OTOF: variants seen among roughly 807,000 people sequenced by gnomAD.
The protein encoded by OTOF is otoferlin.
OTOF carries 218 observed loss-of-function variants against 236.8 expected under a neutral mutation model. That is an observed-to-expected ratio of 0.92 (90% CI 0.82 to 1.03). The LOEUF is 1.03. Among genes scored for constraint, OTOF ranks in the 50% least tolerant of loss-of-function variants. The probability of loss-of-function intolerance (pLI) is 0.00; values close to 1 mark genes in which losing one functional copy is unlikely to be tolerated. For synonymous variants in OTOF, 1,041 were observed against 1,072.5 expected, an observed-to-expected ratio of 0.97 and a Z score of 0.57; for missense variants, 2,590 against 2,694.4, an observed-to-expected ratio of 0.96 and a Z score of 0.86.
At chr2:26,475,868 C>T (rs1182256972) in intron 24 of OTOF, 46 bp downstream of exon 24, 1 of 1,564,294 alleles carries the variant, frequency 6.4e-7, no homozygotes, top group South Asian at 1.2e-5. Flanking sequence ...TCACAGGCTT[C>T]TGGTGCTCTC....
chr2:26,532,214 C>T (rs1424732606), intron 2 of OTOF, among the ~76,000 whole-genome samples: 1 of 151,642 alleles, frequency 6.6e-6, no homozygotes, highest in Non-Finnish European at 1.5e-5. Flanking sequence ...AGCAACATGG[C>T]AAAGATGTGC....
Position 26,482,007 on chromosome 2 carries a change from G to A in OTOF, c.1579+399C>T, listed in dbSNP as rs543962308. The stretch of plus-strand genomic sequence containing the variant: ...ATCCTAGGAGGTAGTCAATCCCTGC[G>A]ATTCTGCAGATAGGCACTACTATTA... On this transcript the variant is annotated intron_variant, in intron 14 of 46. Coordinates refer to ENST00000272371, the MANE Select transcript of OTOF (RefSeq NM_194248.3). Among the ~76,000 whole-genome samples, 7 of 152,152 alleles carry A rather than the reference G, an allele frequency of 4.6e-5. No individual in the cohort carries two copies. The East Asian group carries it at 9.6e-4, about 21-fold the overall frequency.
At chr2:26,513,364 A>G (rs1397310326) in intron 5 of OTOF, among the ~76,000 whole-genome samples, 1 of 152,146 alleles carries the variant, frequency 6.6e-6, no homozygotes, top group Non-Finnish European at 1.5e-5. Context: ...GGGTGGACCC[A>G]GGCCCTGGAG....
At chr2:26,522,430 T>C (rs13004148) in intron 3 of OTOF, among the ~76,000 whole-genome samples, 7,069 of 152,220 alleles carry the variant, frequency 0.046, 214 homozygotes, top group Non-Finnish European at 0.069. Context: ...TAGATATTCT[T>C]TGGGAAGAAG....
At chr2:26,513,587 G>A (rs1052899100) in intron 5 of OTOF, among the ~76,000 whole-genome samples, 2 of 152,206 alleles carry the variant, frequency 1.3e-5, no homozygotes, top group African/African-American at 2.4e-5. Context: ...CAAGATGGCC[G>A]GTGAGACACT....
chr2:26,458,666 G>A (rs1198653608), intron 46 of OTOF, among the ~76,000 whole-genome samples: 7 of 152,144 alleles, frequency 4.6e-5, no homozygotes, highest in Admixed American at 2.0e-4. Flanking sequence ...TGCCCTCACC[G>A]ACCTGCCCAC....
At chr2:26,480,162 C>G in intron 16 of OTOF, 41 bp downstream of exon 16, 1 of 1,180,778 alleles carries the variant, frequency 8.5e-7, no homozygotes, top group Non-Finnish European at 1.3e-6. Flanking sequence ...GTGGGCCCAG[C>G]ACTCACCTAG....
intron 38 of OTOF, 95 bp downstream of exon 38, chr2:26,465,577 G>T (rs546021254): frequency 2.2e-6 from 3 of 1,378,128 alleles, no homozygotes; most frequent in African/African-American, 1.4e-5. Context: ...AAACCACAAT[G>T]TCTAACCTCT....
At position 26,470,751 on chromosome 2, in the gene OTOF, A is replaced by G. The variant is rs1226777309; in HGVS notation, c.3895-30T>C. On this transcript the variant is annotated intron_variant, in intron 31 of 46. Transcript: ENST00000272371. The surrounding 1 kb of genome is among the most constrained non-coding windows in gnomAD (Gnocchi z 4.3). ...AGGTTGGCCAGGTCCAGAGTCCTAC[A>G]TGGACTCCTCCTGCCTGGACAATCC... 2 of 1,608,900 alleles carry G rather than the reference A, an allele frequency of 1.2e-6. No individual in the cohort carries two copies. Among genetic ancestry groups the G allele is most frequent in the Admixed American group, 3.3e-5 (2 of 59,722 alleles).
rs201493014 is a variant in OTOF at position 26,467,122 on chromosome 2, C to T, written c.4339G>A (p.Glu1447Lys). The T allele has an allele frequency of 2.5e-6, 4 of 1,613,878 alleles. No homozygotes were observed. In the Admixed American group the frequency reaches 5.0e-5, roughly 20 times the overall value. ...ACCTTGAAGCGTCCCACAATGCGCT[C>T]CTCCTCGGTGGAGCCATCCTCATCA... ...GDDEDGSTEE[E>K]RIVGRFKGSL... The change falls in exon 35 of 47, where the codon GAG becomes AAG. Residue 1447 changes from glutamate (E) to lysine (K), a missense_variant. Coordinates refer to ENST00000272371, the MANE Select transcript of OTOF (RefSeq NM_194248.3).
chr2:26,459,897 T>A, intron 46 of OTOF, 111 bp downstream of exon 46: 4 of 1,036,350 alleles, frequency 3.9e-6, no homozygotes, highest in Non-Finnish European at 5.7e-6. Flanking sequence ...TGTGTGTGTT[T>A]GTGTGCACAT....
rs781060810 is a variant in OTOF at position 26,479,695 on chromosome 2, A to G, written c.1913-42T>C. 3 of 1,587,950 alleles carry G rather than the reference A, an allele frequency of 1.9e-6. No homozygotes were observed. The South Asian group carries it at 3.3e-5, about 18-fold the overall frequency. Reference sequence around the variant, plus strand: ...CCAGAAGGCCTAGAGTGCATTCCCCACCAGGCCCCTCCCACCGTCCAATCC... The same window carrying G: ...CCAGAAGGCCTAGAGTGCATTCCCCGCCAGGCCCCTCCCACCGTCCAATCC... On this transcript the variant is annotated intron_variant, in intron 16 of 46. Transcript: ENST00000272371.
chr2:26,477,543 C>G lies in OTOF; in HGVS notation c.2316-37G>C. The G allele has an allele frequency of 1.3e-6, 2 of 1,594,882 alleles. No individual in the cohort carries two copies. The highest frequency in any genetic ancestry group is 1.1e-5 in the South Asian group (1 of 89,392). ...GCGAGCCGGGGTTTAGCGAGCCTGA[C>G]CAGCAGGGGCTCTGTAGATTCTTCC... On this transcript the variant is annotated intron_variant, in intron 19 of 46. Transcript: ENST00000272371. The surrounding 1 kb of genome is among the most constrained non-coding windows in gnomAD (Gnocchi z 4.7).
chr2:26,539,593 G>C (rs1368941351), intron 1 of OTOF, among the ~76,000 whole-genome samples: 1 of 152,082 alleles, frequency 6.6e-6, no homozygotes, highest in Admixed American at 6.5e-5. Context: ...AAAATAGCTG[G>C]GTGTGGTGGC....
intron 26 of OTOF, 47 bp from the exon 27 acceptor site, chr2:26,474,157 G>C (rs1665136138): frequency 1.2e-6 from 2 of 1,611,092 alleles, no homozygotes; most frequent in African/African-American, 2.7e-5. Context: ...CCCAGGGACA[G>C]GGTCTCTTTC....
rs1053559884 is a variant in OTOF at position 26,540,885 on chromosome 2, C to A, written c.80-3111G>T. ...TAGCACCAGCCAGAGACATAAAAAA[C>A]AAAAAAATCAACAAGAAATATCTCA... On this transcript the variant is annotated intron_variant, in intron 1 of 46. Transcript: ENST00000272371. Among the ~76,000 whole-genome samples the A allele has an allele frequency of 1.5e-4, 23 of 152,122 alleles. 1 individual carries two copies. Among genetic ancestry groups the A allele is most frequent in the African/African-American group, 4.8e-4 (20 of 41,436 alleles).
At chr2:26,485,718 T>C (rs939819) in intron 11 of OTOF, among the ~76,000 whole-genome samples, 86,921 of 152,050 alleles carry the variant, frequency 0.57, 26,748 homozygotes, top group East Asian at 0.91. Flanking sequence ...CCCAGGCCTG[T>C]GTCCTGCAAG....
chr2:26,493,682 G>C (rs775345804), intron 9 of OTOF, among the ~76,000 whole-genome samples: 11 of 152,204 alleles, frequency 7.2e-5, no homozygotes, highest in Non-Finnish European at 8.8e-5. Flanking sequence ...TGTAGAGGAG[G>C]GGTCAGCCCA....
rs397515593 is a variant in OTOF, at chr2:26,476,918, G to A, written c.2649C>T (p.Cys883=). 23 of 1,611,380 alleles carry A rather than the reference G, an allele frequency of 1.4e-5. No homozygotes were observed. The highest frequency in any genetic ancestry group is 4.0e-5 in the African/African-American group (3 of 74,912). Residue 883 remains cysteine, a synonymous_variant, in exon 22 of 47, where the codon TGC becomes TGT. Transcript: ENST00000272371. ...SIVEEETGKD[C]AKVKTLFLKL... is the part of the protein sequence containing the mutation. ...TAAGGAAGAGCGTCTTGACCTTGGC[G>A]CAGTCCTTGCCAGTCTCCTCCTCCA...
Sources: allele counts gnomAD v4.1 joint callset (sites outside exome capture counted in the v4.1 genomes callset), GRCh38; gene constraint gnomAD v4.1.1; non-coding constraint Gnocchi (gnomAD v3.1); transcripts MANE v1.5; gene names NCBI Gene and HGNC (gene_info 2026-07-23, HGNC 2026-07-21).